FAM184B: variants seen among roughly 807,000 people sequenced by gnomAD.
FAM184B encodes the protein protein FAM184B.
Under a neutral mutation model 135.9 loss-of-function variants are expected in FAM184B, and 111 were observed. The ratio of observed to expected loss-of-function variants is 0.82; its 90% CI spans 0.70 to 0.96. FAM184B has a LOEUF of 0.96. FAM184B is among the 40% of genes least tolerant of loss of function. FAM184B has a pLI of 0.00. For synonymous variants in FAM184B, 552 were observed against 524.8 expected, an observed-to-expected ratio of 1.05 and a Z score of -0.71; for missense variants, 1,375 against 1,323.9, an observed-to-expected ratio of 1.04 and a Z score of -0.60.
At chr4:17,724,527 T>C (rs1422298277) in intron 1 of FAM184B, among the ~76,000 whole-genome samples, 1 of 152,212 alleles carries the variant, frequency 6.6e-6, no homozygotes, top group Non-Finnish European at 1.5e-5. Context: ...TGTTTTAGTC[T>C]GAGCAGCCCA....
At chr4:17,711,783 G>A (rs1341863075) in intron 1 of FAM184B, among the ~76,000 whole-genome samples, 1 of 152,170 alleles carries the variant, frequency 6.6e-6, no homozygotes, top group Non-Finnish European at 1.5e-5. Flanking sequence ...GTCCTCATGG[G>A]GATAGGATGG....
At chr4:17,734,114 A>G (rs545192727) in intron 1 of FAM184B, among the ~76,000 whole-genome samples, 1 of 152,346 alleles carries the variant, frequency 6.6e-6, no homozygotes, top group East Asian at 1.9e-4. Context: ...GTGCTGGGAA[A>G]ACTGGCTGGC....
intron 13 of FAM184B, among the ~76,000 whole-genome samples, chr4:17,640,018 C>T (rs1008509463): frequency 3.3e-5 from 5 of 151,264 alleles, no homozygotes; most frequent in Middle Eastern, 3.4e-3. Flanking sequence ...TTAGTAAAGA[C>T]GGGGGGTTTC....
chr4:17,721,419 A>G (rs776109516), intron 1 of FAM184B, among the ~76,000 whole-genome samples: 36 of 149,424 alleles, frequency 2.4e-4, no homozygotes, highest in Non-Finnish European at 5.2e-4. Context: ...TCTTTGCCCT[A>G]GCAGAAAGGG....
intron 1 of FAM184B, among the ~76,000 whole-genome samples, chr4:17,721,933 G>A (rs1717541911): frequency 6.6e-6 from 1 of 152,204 alleles, no homozygotes; most frequent in African/African-American, 2.4e-5. Flanking sequence ...GGAGTTAGGG[G>A]GAATAACACT....
intron 7 of FAM184B, among the ~76,000 whole-genome samples, chr4:17,686,140 CACAG>C (rs1258508661): frequency 1.3e-5 from 2 of 152,186 alleles, no homozygotes. Context: ...TGGGAAACCC[CACAG>C]GGCGCTGGTG....
chr4:17,682,792 C>T (rs565509958), intron 7 of FAM184B, among the ~76,000 whole-genome samples: 1 of 152,218 alleles, frequency 6.6e-6, no homozygotes, highest in Non-Finnish European at 1.5e-5. Flanking sequence ...AGCCACTGCG[C>T]CTGGACTGTT....
rs1400104957 is a variant in FAM184B, at chr4:17,709,098, C to T, written c.688G>A (p.Glu230Lys). 2.6e-6 allele frequency: 4 copies of T among 1,549,576 alleles called. No individual in the cohort carries two copies. Among genetic ancestry groups the T allele is most frequent in the South Asian group, 1.2e-5 (1 of 84,060 alleles). The change falls in exon 2 of 18, where the codon GAG becomes AAG. Residue 230 changes from glutamate (E) to lysine (K), a missense_variant. Transcript: ENST00000265018. ...ELQATYEREN[E>K]AIRQAMQQSV... Reference sequence around the variant, plus strand: ...TGCTGCATGGCCTGCCGGATGGCCTCGTTTTCCCTCTCGTAGGTGGCCTGC... The same window carrying T: ...TGCTGCATGGCCTGCCGGATGGCCTTGTTTTCCCTCTCGTAGGTGGCCTGC...
chr4:17,735,266 G>A (rs1717881598), intron 1 of FAM184B, among the ~76,000 whole-genome samples: 1 of 151,780 alleles, frequency 6.6e-6, no homozygotes, highest in Non-Finnish European at 1.5e-5. Flanking sequence ...CACCAACATG[G>A]CACATGTATA....
At chr4:17,739,284 G>T (rs1242480106) in intron 1 of FAM184B, among the ~76,000 whole-genome samples, 1 of 152,074 alleles carries the variant, frequency 6.6e-6, no homozygotes, top group Non-Finnish European at 1.5e-5. Context: ...CCCCTTCCAG[G>T]CAGAGGAATC....
chr4:17,730,566 C>T (rs973298602), intron 1 of FAM184B, among the ~76,000 whole-genome samples: 1 of 152,236 alleles, frequency 6.6e-6, no homozygotes, highest in Admixed American at 6.5e-5. Context: ...CAGCAGATCT[C>T]TTCGCAGAAA....
chr4:17,748,506 T>TA lies in FAM184B; in HGVS notation c.141+32652_141+32653insT, dbSNP rs1491176815. Among the ~76,000 whole-genome samples the TA allele has an allele frequency of 0.03, 58 of 1,964 alleles. 1 individual carries two copies. In the East Asian group the frequency reaches 0.3, roughly 10 times the overall value. 1.3% of individuals were successfully genotyped at this position (1,964 alleles called of 152,430 possible). A position where few individuals can be genotyped will look rare whatever the true frequency, so the allele number is the denominator to read the frequency against. ...CCCTTACTTTAATCCTCTTGTGTAA[T>TA]TTTTTTTTTTTTTTTTTTTTTTTTT... On this transcript the variant is annotated intron_variant, in intron 1 of 17. Coordinates refer to ENST00000265018, the MANE Select transcript of FAM184B (RefSeq NM_015688.2).
At chr4:17,775,494 A>T (rs6449337) in intron 1 of FAM184B, among the ~76,000 whole-genome samples, 150,364 of 152,364 alleles carry the variant, frequency 0.99, 74,223 homozygotes, top group Middle Eastern at 1. Flanking sequence ...TAGAATAGGA[A>T]ATTTTCTTGC....
intron 12 of FAM184B, 29 bp downstream of exon 12, chr4:17,647,608 A>G: frequency 6.5e-7 from 1 of 1,539,742 alleles, no homozygotes. Flanking sequence ...TGGGAGGGGT[A>G]TTGCTGGTGC....
At chr4:17,714,043 C>G (rs1219765565) in intron 1 of FAM184B, among the ~76,000 whole-genome samples, 1 of 152,154 alleles carries the variant, frequency 6.6e-6, no homozygotes, top group Non-Finnish European at 1.5e-5. Context: ...GGCCAATCCC[C>G]TTTTCCATGT....
At chr4:17,676,487 A>T (rs1716310947) in intron 7 of FAM184B, among the ~76,000 whole-genome samples, 1 of 152,218 alleles carries the variant, frequency 6.6e-6, no homozygotes, top group East Asian at 1.9e-4. Flanking sequence ...TGTATTTTTT[A>T]ATTAAGGTAC....
chr4:17,776,684 G>A (rs1718933474), intron 1 of FAM184B, among the ~76,000 whole-genome samples: 2 of 152,130 alleles, frequency 1.3e-5, no homozygotes, highest in South Asian at 4.1e-4. Context: ...GAGCCACTGT[G>A]CCCGGCCAGT....
In FAM184B at chr4:17,658,540, A is replaced by G. The variant is rs897346418; in HGVS notation, c.1847T>C (p.Leu616Pro). 3.2e-6 allele frequency: 5 copies of G among 1,551,228 alleles called. No individual in the cohort carries two copies. The highest frequency in any genetic ancestry group is 1.7e-4 in the Middle Eastern group (1 of 5,748). The change falls in exon 10 of 18, where the codon CTG (leucine) becomes CCG (proline). Residue 616 changes from leucine to proline, a missense_variant. Leu to Pro is a moderately conservative substitution (Grantham distance 98, BLOSUM62 -3). Transcript: ENST00000265018. ...QAQVSQMQQA[L>P]EQCTSNYRED... The stretch of plus-strand genomic sequence containing the variant: ...CCTGTAGTTGCTGGTGCACTGCTCC[A>G]GAGCCTGCTGCATCTGTGAGACCTG...
chr4:17,763,148 C>T (rs955978377), intron 1 of FAM184B, among the ~76,000 whole-genome samples: 1 of 152,164 alleles, frequency 6.6e-6, no homozygotes, highest in African/African-American at 2.4e-5. Flanking sequence ...AAGGTCCGAT[C>T]ATGCCTTGTG....
Sources: allele counts gnomAD v4.1 joint callset (sites outside exome capture counted in the v4.1 genomes callset), GRCh38; gene constraint gnomAD v4.1.1; transcripts MANE v1.5; gene names NCBI Gene and HGNC (gene_info 2026-07-23, HGNC 2026-07-21).